ATP2B4: variants seen among roughly 807,000 people sequenced by gnomAD.
ATP2B4 encodes ATPase plasma membrane Ca2+ transporting 4.
Under a neutral mutation model 110.3 loss-of-function variants are expected in ATP2B4, and 39 were observed. That is an observed-to-expected ratio of 0.35 (90% CI 0.27 to 0.46). The LOEUF is 0.46. Ranked by LOEUF, ATP2B4 falls within the 20% of genes least tolerant of loss-of-function variation. The pLI is 1.00. For missense variants in ATP2B4, 1,135 were observed against 1,530.9 expected (o/e 0.74, Z 4.32); for synonymous variants, 538 against 571.7 (o/e 0.94, Z 0.84).
At chr1:203,676,126 C>T (rs1236514733) in intron 1 of ATP2B4, among the ~76,000 whole-genome samples, 6 of 152,262 alleles carry the variant, frequency 3.9e-5, no homozygotes, top group South Asian at 2.1e-4. Context: ...GTGTGGCTGT[C>T]GGATGATGAT....
At chr1:203,687,361 G>A (rs1282502207) in intron 2 of ATP2B4, among the ~76,000 whole-genome samples, 1 of 152,190 alleles carries the variant, frequency 6.6e-6, no homozygotes. Context: ...ACCCAGGCAA[G>A]GGTAATGCTC....
intron 16 of ATP2B4, 39 bp downstream of exon 16, chr1:203,720,779 G>A (rs1404474299): frequency 6.3e-7 from 1 of 1,582,092 alleles, no homozygotes; most frequent in Non-Finnish European, 8.6e-7. Flanking sequence ...GGAGGGATGA[G>A]TCAGGGGCTA....
intron 19 of ATP2B4, among the ~76,000 whole-genome samples, chr1:203,724,709 C>T (rs1422149770): frequency 6.6e-6 from 1 of 151,918 alleles, no homozygotes; most frequent in Non-Finnish European, 1.5e-5. Context: ...TCAGGGTTTC[C>T]AGCCTCTTCT....
At chr1:203,719,977 T>TG (rs1666273923) in intron 15 of ATP2B4, among the ~76,000 whole-genome samples, 1 of 151,960 alleles carries the variant, frequency 6.6e-6, no homozygotes, top group Non-Finnish European at 1.5e-5. Context: ...GAGGCCAAGG[T>TG]GGGAGGATCA....
At chr1:203,651,106 C>T (rs916039197) in intron 1 of ATP2B4, among the ~76,000 whole-genome samples, 6 of 152,014 alleles carry the variant, frequency 3.9e-5, no homozygotes, top group African/African-American at 1.5e-4. Flanking sequence ...TATTTTAGAC[C>T]ATGAAATTTT....
At chr1:203,728,276 C>T in intron 20 of ATP2B4, 1 of 424,010 alleles carries the variant, frequency 2.4e-6, no homozygotes, top group South Asian at 1.7e-5. Flanking sequence ...TGTCCCCTGT[C>T]TATAGCCCCA....
intron 2 of ATP2B4, among the ~76,000 whole-genome samples, chr1:203,694,477 G>A (rs544699503): frequency 1.3e-5 from 2 of 152,158 alleles, no homozygotes; most frequent in East Asian, 1.9e-4. Flanking sequence ...CAACAAAGAG[G>A]AATCTGGGCA....
Position 203,710,339 on chromosome 1 carries a change from C to CA in ATP2B4, c.1800-537dup, listed in dbSNP as rs537644712. ...GAGCTGAGATCGCACCACTGCACTC[C>CA]AGCCTGGGTGACAGAGTGAGACTCC... On this transcript the variant is annotated intron_variant, in intron 11 of 20. Coordinates refer to ENST00000357681, the MANE Select transcript of ATP2B4 (RefSeq NM_001684.5). 1.5e-3 allele frequency among the ~76,000 whole-genome samples: 229 copies of CA among 151,874 alleles called. 1 individual carries two copies. Among genetic ancestry groups the CA allele is most frequent in the African/African-American group, 5.3e-3 (221 of 41,402 alleles).
At chr1:203,637,214 G>A (rs1490668931) in intron 1 of ATP2B4, among the ~76,000 whole-genome samples, 1 of 152,160 alleles carries the variant, frequency 6.6e-6, no homozygotes, top group African/African-American at 2.4e-5. Context: ...GGCGGATCAC[G>A]AGGTCAGGAG....
At chr1:203,649,087 G>A (rs945119960) in intron 1 of ATP2B4, among the ~76,000 whole-genome samples, 10 of 152,072 alleles carry the variant, frequency 6.6e-5, no homozygotes, top group African/African-American at 1.9e-4. Flanking sequence ...ATACAGATTC[G>A]TATTTATGGA....
intron 20 of ATP2B4, among the ~76,000 whole-genome samples, chr1:203,730,360 C>T (rs1263980339): frequency 2.0e-5 from 3 of 152,070 alleles, no homozygotes; most frequent in Non-Finnish European, 4.4e-5. Context: ...CAAAGTGCCT[C>T]GTGGCATCCA....
chr1:203,720,378 C>T (rs530002522), intron 15 of ATP2B4, among the ~76,000 whole-genome samples, 171 bp from the exon 16 acceptor site: 7 of 152,242 alleles, frequency 4.6e-5, no homozygotes, highest in African/African-American at 1.4e-4. Flanking sequence ...GGCATCAGGC[C>T]GCAGCCCTCC....
At position 203,741,814 on chromosome 1, in the gene ATP2B4, T is replaced by C. The variant is rs1393265772; in HGVS notation, c.*1960T>C. ...TTCTTTTTTGTGTCTTAAATACTCA[T>C]AGGGGAAAAAAACAGCTCACCCAAG... is the stretch of plus-strand genomic sequence containing the variant. On this transcript the variant is annotated 3_prime_UTR_variant, in exon 21 of 21. Transcript: ENST00000357681. 3 of 152,608 alleles carry C rather than the reference T, an allele frequency of 2.0e-5. No individual in the cohort carries two copies. Among genetic ancestry groups the C allele is most frequent in the Non-Finnish European group, 2.9e-5 (2 of 68,024 alleles). The allele number at this position is 152,608 out of a possible 1,614,324, so 9.5% of individuals were successfully genotyped here.
At chr1:203,727,645 G>C in intron 20 of ATP2B4, 74 bp downstream of exon 20, 1 of 1,562,884 alleles carries the variant, frequency 6.4e-7, no homozygotes, top group South Asian at 1.2e-5. Context: ...GAGGGTAGCA[G>C]TTCTTGTCGG....
chr1:203,631,131 GA>G lies in ATP2B4; in HGVS notation c.-465+3913del, dbSNP rs540763407. Among the ~76,000 whole-genome samples the G allele has an allele frequency of 3.7e-4, 57 of 152,374 alleles. 4 individuals carry two copies. In the South Asian group the frequency reaches 0.012, roughly 32 times the overall value. ...GGGAAACCAGGCAGGATCTAGTGAGGACCAGAGCCAAGGGCTCTGGGTCAGG... is the reference window on the plus strand; with the variant it reads ...GGGAAACCAGGCAGGATCTAGTGAGGCCAGAGCCAAGGGCTCTGGGTCAGG... On this transcript the variant is annotated intron_variant, in intron 1 of 20. Coordinates refer to ENST00000357681, the MANE Select transcript of ATP2B4 (RefSeq NM_001684.5).
chr1:203,651,486 C>G (rs961581412), intron 1 of ATP2B4, among the ~76,000 whole-genome samples: 1 of 152,216 alleles, frequency 6.6e-6, no homozygotes, highest in Non-Finnish European at 1.5e-5. Flanking sequence ...ATCCCCCCAC[C>G]TCATCACCCA....
intron 1 of ATP2B4, among the ~76,000 whole-genome samples, chr1:203,663,095 TG>T (rs1474940776): frequency 6.6e-6 from 1 of 152,202 alleles, no homozygotes; most frequent in Admixed American, 6.5e-5. Flanking sequence ...AGCAACATTT[TG>T]TTTCCTGTTT....
chr1:203,722,513 G>T lies in ATP2B4; in HGVS notation c.2848G>T (p.Ala950Ser), dbSNP rs1217950151. ...KFFDIDSGRK[A>S]PLHSPPSQHY... ...CTTTGATATTGATAGTGGGAGGAAG[G>T]CACCTCTACATTCACCACCCAGCCA... The change falls in exon 18 of 21, where the codon GCA (alanine) becomes TCA (serine). Residue 950 changes from alanine to serine, a missense_variant. Coordinates refer to ENST00000357681, the MANE Select transcript of ATP2B4 (RefSeq NM_001684.5). The T allele has an allele frequency of 6.2e-7, 1 of 1,614,062 alleles. No homozygotes were observed. The highest frequency in any genetic ancestry group is 8.5e-7 in the Non-Finnish European group (1 of 1,179,964).
At chr1:203,690,603 T>G (rs1452240758) in intron 2 of ATP2B4, among the ~76,000 whole-genome samples, 1 of 152,138 alleles carries the variant, frequency 6.6e-6, no homozygotes, top group African/African-American at 2.4e-5. Flanking sequence ...TTAGAGCTTA[T>G]AGTCTGTTCT....
Sources: allele counts gnomAD v4.1 joint callset (sites outside exome capture counted in the v4.1 genomes callset), GRCh38; gene constraint gnomAD v4.1.1; transcripts MANE v1.5; gene names NCBI Gene and HGNC (gene_info 2026-07-23, HGNC 2026-07-21).